Variants in HEG1 observed in about 807,000 individuals in gnomAD.
The protein encoded by HEG1 is protein HEG homolog 1.
A neutral mutation model predicts 125.6 loss-of-function variants in HEG1; 56 were observed. The ratio of observed to expected loss-of-function variants is 0.45; its 90% CI spans 0.36 to 0.56. The LOEUF is 0.56. HEG1 is among the 20% of genes least tolerant of loss of function. HEG1 has a pLI of 0.00. For missense variants in HEG1, 1,523 were observed against 1,670.0 expected (o/e 0.91, Z 1.53); for synonymous variants, 644 against 668.5 (o/e 0.96, Z 0.57).
chr3:125,039,177 G>GTTT (rs369365364), intron 1 of HEG1, among the ~76,000 whole-genome samples: 1 of 149,118 alleles, frequency 6.7e-6, no homozygotes, highest in African/African-American at 2.5e-5. Context: ...TGCTTTGCCT[G>GTTT]TTTTTTTTTT....
intron 1 of HEG1, among the ~76,000 whole-genome samples, chr3:125,031,606 C>T (rs191733888): frequency 3.8e-4 from 58 of 152,078 alleles, no homozygotes; most frequent in African/African-American, 1.4e-3. Flanking sequence ...GGCAAACCAT[C>T]GGACAAGTAG....
At position 125,013,392 on chromosome 3, in the gene HEG1, G is replaced by A. The variant is rs1696362700; in HGVS notation, c.2187C>T (p.Ala729=). 6.2e-7 allele frequency: 1 copy of A among 1,613,870 alleles called. No homozygotes were observed. Among genetic ancestry groups the A allele is most frequent in the Non-Finnish European group, 8.5e-7 (1 of 1,179,906 alleles). ...AGGTTGTTTGTGAGACAGAAAGTGG[G>A]GCAGATGTAGATGTCGTTAAGGATA... ...LPVSLTTSTS[A]PLSVSQTTLP... is the part of the protein sequence containing the mutation. The change falls in exon 6 of 17, where the codon GCC becomes GCT. Residue 729 remains alanine, a synonymous_variant. Coordinates refer to ENST00000311127, the MANE Select transcript of HEG1 (RefSeq NM_020733.2).
intron 9 of HEG1, among the ~76,000 whole-genome samples, chr3:125,004,229 G>A (rs975499666): frequency 6.6e-6 from 1 of 152,216 alleles, no homozygotes; most frequent in African/African-American, 2.4e-5. Flanking sequence ...CCAAAGTCCT[G>A]TAGAAATGTA....
intron 16 of HEG1, chr3:124,972,144 A>C (rs1163329696): frequency 6.6e-6 from 1 of 152,176 alleles, no homozygotes; most frequent in Non-Finnish European, 1.5e-5. Context: ...TACATTCTTG[A>C]CTACGTTTAT....
intron 1 of HEG1, among the ~76,000 whole-genome samples, chr3:125,030,848 C>A (rs575506397): frequency 2.3e-4 from 35 of 152,070 alleles, no homozygotes; most frequent in Non-Finnish European, 4.4e-4. Context: ...AGGCCCCTCA[C>A]TCGCCAGCTG....
chr3:125,039,841 A>C (rs1937578167), intron 1 of HEG1, among the ~76,000 whole-genome samples: 1 of 151,666 alleles, frequency 6.6e-6, no homozygotes, highest in African/African-American at 2.4e-5. Context: ...GAGCCAAAAA[A>C]AAAAAAAACA....
At chr3:124,992,096 G>A (rs1936843380) in intron 12 of HEG1, among the ~76,000 whole-genome samples, 1 of 152,168 alleles carries the variant, frequency 6.6e-6, no homozygotes, top group South Asian at 2.1e-4. Context: ...AGCTGTAGGT[G>A]ACATCTTCTG....
intron 5 of HEG1, among the ~76,000 whole-genome samples, chr3:125,016,021 C>T (rs912442230): frequency 2.0e-5 from 3 of 152,200 alleles, no homozygotes; most frequent in Non-Finnish European, 4.4e-5. Flanking sequence ...CGACTCAAGC[C>T]AGTCTGAAGG....
In HEG1 at chr3:125,055,984, G is replaced by A; in HGVS notation, c.-94C>T. ...GCGGCGGGGGCCGCGCGGGGCCGGG[G>A]AAGTGAGCGGAGTGAGGCTGCGAGC... On this transcript the variant is annotated 5_prime_UTR_variant, in exon 1 of 17. Coordinates refer to ENST00000311127, the MANE Select transcript of HEG1 (RefSeq NM_020733.2). 1.5e-6 allele frequency: 1 copy of A among 651,770 alleles called. No homozygotes were observed. The highest frequency in any genetic ancestry group is 1.9e-6 in the Non-Finnish European group (1 of 526,380). The allele number at this position is 651,770 out of a possible 1,614,324, so 40.4% of individuals were successfully genotyped here. A position where few individuals can be genotyped will look rare whatever the true frequency, so the allele number is the denominator to read the frequency against.
chr3:125,013,893 G>A lies in HEG1; in HGVS notation c.1686C>T (p.Thr562=), dbSNP rs538280997. ...TDHTYLSSTF[T]KGERALLSIT... ...TGGACAGTAACGCCCGTTCTCCTTTGGTGAAAGTAGATGACAGGTAGGTGT... is the reference window on the plus strand; with the variant it reads ...TGGACAGTAACGCCCGTTCTCCTTTAGTGAAAGTAGATGACAGGTAGGTGT... The change falls in exon 6 of 17, where the codon ACC becomes ACT. Residue 562 remains threonine, a synonymous_variant. Coordinates refer to ENST00000311127, the MANE Select transcript of HEG1 (RefSeq NM_020733.2). 1 of 1,613,866 alleles carries A rather than the reference G, an allele frequency of 6.2e-7. No homozygotes were observed. The highest frequency in any genetic ancestry group is 2.2e-5 in the East Asian group (1 of 44,884).
chr3:124,998,595 C>T (rs1354473898), intron 11 of HEG1, among the ~76,000 whole-genome samples: 3 of 152,236 alleles, frequency 2.0e-5, no homozygotes, highest in South Asian at 2.1e-4. Context: ...GAGAAGGAGC[C>T]CATCTTTCAG....
Position 125,013,835 on chromosome 3 carries a change from C to T in HEG1, c.1744G>A (p.Glu582Lys), listed in dbSNP as rs1187807082. 1 of 1,613,706 alleles carries T rather than the reference C, an allele frequency of 6.2e-7. No individual in the cohort carries two copies. Residue 582 changes from glutamate to lysine, a missense_variant, in exon 6 of 17, where the codon GAG (glutamate) becomes AAG (lysine). Glu to Lys is a moderately conservative substitution (Grantham distance 56, BLOSUM62 1). Transcript: ENST00000311127. ...TDNSSSSDIV[E>K]SSTSYIKISN... ...ATTTTAATATAAGAAGTTGAGCTCT[C>T]CACAATGTCTGAGGATGAACTGTTA...
chr3:125,036,526 G>C (rs1209731984), intron 1 of HEG1, among the ~76,000 whole-genome samples: 1 of 152,142 alleles, frequency 6.6e-6, no homozygotes, highest in Non-Finnish European at 1.5e-5. Context: ...AAAAATAAAA[G>C]CTATATTTGC....
At chr3:125,006,569 G>A (rs370058691) in intron 8 of HEG1, among the ~76,000 whole-genome samples, 5 of 152,184 alleles carry the variant, frequency 3.3e-5, no homozygotes, top group African/African-American at 9.7e-5. Flanking sequence ...TGTCTAAAGC[G>A]CTTAATCCTT....
intron 14 of HEG1, among the ~76,000 whole-genome samples, chr3:124,982,075 G>A (rs1420984661): frequency 6.6e-6 from 1 of 152,038 alleles, no homozygotes; most frequent in Non-Finnish European, 1.5e-5. Flanking sequence ...GCTAATTTTT[G>A]TATTTTTAGA....
intron 2 of HEG1, among the ~76,000 whole-genome samples, 184 bp downstream of exon 2, chr3:125,029,011 C>T (rs1937456557): frequency 6.6e-6 from 1 of 152,196 alleles, no homozygotes; most frequent in Admixed American, 6.5e-5. Context: ...AATCTGCACC[C>T]TTGTCTGGTC....
intron 3 of HEG1, 93 bp from the exon 4 acceptor site, chr3:125,021,223 G>A: frequency 1.0e-6 from 1 of 954,864 alleles, no homozygotes; most frequent in Non-Finnish European, 1.6e-6. Context: ...TTACATTTTG[G>A]TGGATACATC....
intron 15 of HEG1, 136 bp from the exon 16 acceptor site, chr3:124,974,041 A>G: frequency 1.6e-6 from 1 of 619,460 alleles, no homozygotes; most frequent in Non-Finnish European, 2.8e-6. Flanking sequence ...ACTGAGTAGT[A>G]TTATTATTGT....
chr3:125,020,661 T>C, intron 4 of HEG1, 131 bp downstream of exon 4: 1 of 694,632 alleles, frequency 1.4e-6, no homozygotes, highest in Non-Finnish European at 2.4e-6. Context: ...AGAGTGACCA[T>C]CAAAATGCAA....
Sources: allele counts gnomAD v4.1 joint callset (sites outside exome capture counted in the v4.1 genomes callset), GRCh38; gene constraint gnomAD v4.1.1; transcripts MANE v1.5; gene names NCBI Gene and HGNC (gene_info 2026-07-23, HGNC 2026-07-21).